Variants in ASB4 observed in about 807,000 individuals in gnomAD.
The protein encoded by ASB4 is ankyrin repeat and SOCS box containing 4.
ASB4 carries 35 observed loss-of-function variants against 38.6 expected under a neutral mutation model. The observed-to-expected ratio is 0.91, with a 90% confidence interval of 0.69 to 1.20. The LOEUF (loss-of-function observed/expected upper bound fraction) is 1.20. ASB4 is among the 50% of genes most tolerant of loss of function. ASB4 has a pLI of 0.00. For synonymous variants in ASB4, 195 were observed against 201.3 expected (o/e 0.97, Z 0.26); for missense variants, 557 against 527.2 (o/e 1.06, Z -0.55).
In ASB4 at chr7:95,527,806, T is replaced by C. The variant is rs1288234388; in HGVS notation, c.488-7T>C. On this transcript the variant is annotated splice_region_variant and splice_polypyrimidine_tract_variant and intron_variant, in intron 2 of 4. Coordinates refer to ENST00000325885, the MANE Select transcript of ASB4 (RefSeq NM_016116.3). ...AAATAATTGTCTTCCTCAATTTCCC[T>C]TTATAGGGGCGAATGTGAACATGAA... The C allele has an allele frequency of 3.8e-6, 6 of 1,587,204 alleles. No individual in the cohort carries two copies. Among genetic ancestry groups the C allele is most frequent in the Admixed American group, 3.4e-5 (2 of 58,362 alleles).
intron 2 of ASB4, among the ~76,000 whole-genome samples, chr7:95,503,028 C>G (rs1790362411): frequency 1.3e-5 from 2 of 152,106 alleles, no homozygotes; most frequent in African/African-American, 4.8e-5. Context: ...GCTTATGGGA[C>G]AGTATGGACT....
intron 2 of ASB4, among the ~76,000 whole-genome samples, chr7:95,502,388 CTG>C (rs1491372911): frequency 1.6e-3 from 64 of 40,874 alleles, no homozygotes; most frequent in East Asian, 0.011. Flanking sequence ...AGGTACCAGC[CTG>C]CGGGGGGGGG....
chr7:95,483,424 G>A (rs1046916968), upstream of ASB4, among the ~76,000 whole-genome samples: 6 of 152,168 alleles, frequency 3.9e-5, no homozygotes, highest in Admixed American at 6.5e-5. Context: ...CTCAAACACA[G>A]AGAATTTTAT....
chr7:95,539,887 C>A lies in ASB4; in HGVS notation c.*2128C>A, dbSNP rs961136696. 6.6e-6 allele frequency: 1 copy of A among 152,140 alleles called. No homozygotes were observed. The highest frequency in any genetic ancestry group is 6.6e-5 in the Admixed American group (1 of 15,258). The allele number at this position is 152,140 out of a possible 1,614,324, so 9.4% of individuals were successfully genotyped here. ...CCTGTACCCCCAAAACTATTGAAAT[C>A]TTAAAATAGTAATAATTAACAAAGT... On this transcript the variant is annotated 3_prime_UTR_variant, in exon 5 of 5. Coordinates refer to ENST00000325885, the MANE Select transcript of ASB4 (RefSeq NM_016116.3).
chr7:95,506,239 G>C (rs1291927169), intron 2 of ASB4, among the ~76,000 whole-genome samples: 1 of 152,128 alleles, frequency 6.6e-6, no homozygotes, highest in African/African-American at 2.4e-5. Context: ...TAAACTCAGT[G>C]GGTATTTTAT....
chr7:95,541,607 A>G (rs1790971564), downstream of ASB4, among the ~76,000 whole-genome samples: 1 of 152,140 alleles, frequency 6.6e-6, no homozygotes. Context: ...TTCTCCACTG[A>G]GTGGGGGATT....
At chr7:95,534,722 CTT>C (rs1297820050) in intron 3 of ASB4, among the ~76,000 whole-genome samples, 2 of 152,164 alleles carry the variant, frequency 1.3e-5, no homozygotes, top group African/African-American at 4.8e-5. Flanking sequence ...CTCTCTAACT[CTT>C]TGAAATTATT....
chr7:95,513,293 A>ATATGTGTG (rs372838435), intron 2 of ASB4, among the ~76,000 whole-genome samples: 6 of 89,190 alleles, frequency 6.7e-5, no homozygotes, highest in Non-Finnish European at 1.3e-4. Flanking sequence ...AGCCAATAGA[A>ATATGTGTG]TGTGTGTGTG....
intron 2 of ASB4, among the ~76,000 whole-genome samples, chr7:95,508,389 G>A (rs776796533): frequency 1.5e-4 from 23 of 151,878 alleles, no homozygotes; most frequent in Non-Finnish European, 2.5e-4. Flanking sequence ...AAGAGAAGAA[G>A]TATAAAAGAT....
chr7:95,508,568 C>T (rs544539206), intron 2 of ASB4, among the ~76,000 whole-genome samples: 11 of 152,208 alleles, frequency 7.2e-5, no homozygotes, highest in Non-Finnish European at 1.3e-4. Context: ...TTGATGTTTG[C>T]CTTTATGATG....
chr7:95,517,217 G>A (rs1364905295), intron 2 of ASB4, among the ~76,000 whole-genome samples: 2 of 152,102 alleles, frequency 1.3e-5, no homozygotes, highest in Non-Finnish European at 2.9e-5. Flanking sequence ...TGCCCAGGCT[G>A]AGGTGCAGTG....
At chr7:95,497,401 T>G (rs541617349) in intron 2 of ASB4, among the ~76,000 whole-genome samples, 17 of 152,206 alleles carry the variant, frequency 1.1e-4, no homozygotes, top group African/African-American at 4.1e-4. Flanking sequence ...ATGGATTGGA[T>G]GTGGGTGGGG....
chr7:95,471,240 G>C, the ASB4 span, among the ~76,000 whole-genome samples: 1 of 152,118 alleles, frequency 6.6e-6, no homozygotes, highest in African/African-American at 2.4e-5. Flanking sequence ...GATGTGGCTT[G>C]CCCCATGGAA....
At chr7:95,476,591 T>C (rs1789979623), upstream of ASB4, among the ~76,000 whole-genome samples, 1 of 152,182 alleles carries the variant, frequency 6.6e-6, no homozygotes, top group Non-Finnish European at 1.5e-5. Context: ...TTCACAGTCT[T>C]GCCTGGGGCC....
intron 2 of ASB4, among the ~76,000 whole-genome samples, chr7:95,516,357 A>C (rs113470979): frequency 1.3e-5 from 2 of 152,294 alleles, no homozygotes; most frequent in African/African-American, 2.4e-5. Flanking sequence ...GGAATTAAAA[A>C]GATAAAAAAT....
intron 2 of ASB4, among the ~76,000 whole-genome samples, chr7:95,522,734 C>A: frequency 6.6e-6 from 1 of 152,176 alleles, no homozygotes; most frequent in Non-Finnish European, 1.5e-5. Context: ...TGCTGAAATT[C>A]TTATCTTATC....
At chr7:95,526,766 A>G (rs1283570147) in intron 2 of ASB4, among the ~76,000 whole-genome samples, 1 of 152,182 alleles carries the variant, frequency 6.6e-6, no homozygotes, top group Non-Finnish European at 1.5e-5. Context: ...AACAATAATA[A>G]TAATAAGTCT....
intron 2 of ASB4, among the ~76,000 whole-genome samples, chr7:95,514,349 A>T (rs1278989379): frequency 6.6e-6 from 1 of 152,222 alleles, no homozygotes; most frequent in Admixed American, 6.5e-5. Context: ...TAAATCATCT[A>T]TAAAAATACA....
intron 2 of ASB4, among the ~76,000 whole-genome samples, chr7:95,509,622 C>G (rs1294812304): frequency 6.6e-6 from 1 of 152,162 alleles, no homozygotes; most frequent in South Asian, 2.1e-4. Flanking sequence ...AGGATAAATG[C>G]TTAATGGAAA....
Sources: gnomAD v4.1 joint callset for allele counts (sites outside exome capture counted in the v4.1 genomes callset) on GRCh38, gnomAD v4.1.1 for gene constraint, MANE v1.5 for transcripts, NCBI Gene and HGNC (gene_info 2026-07-23, HGNC 2026-07-21) for gene names.